Variants in CELF2 observed in about 807,000 individuals in gnomAD.
CELF2 encodes CUG triplet repeat RNA-binding protein 2.
Under a neutral mutation model 62.6 loss-of-function variants are expected in CELF2, and 8 were observed. The ratio of observed to expected loss-of-function variants is 0.13; its 90% CI spans 0.07 to 0.23. The LOEUF is 0.23. CELF2 is among the 10% of genes least tolerant of loss of function. The pLI, the probability that CELF2 is intolerant of heterozygous loss-of-function variation, is 1.00. For synonymous variants in CELF2, 258 were observed against 250.0 expected (o/e 1.03, Z -0.30); for missense variants, 333 against 671.0 (o/e 0.50, Z 5.56).
At chr10:10,985,487 C>A (rs2052640261) in intron 2 of CELF2, among the ~76,000 whole-genome samples, 1 of 152,134 alleles carries the variant, frequency 6.6e-6, no homozygotes, top group Non-Finnish European at 1.5e-5. Context: ...GTAAGACACC[C>A]AACACAGACT....
chr10:11,017,505 G>A (rs551447304), upstream of CELF2, among the ~76,000 whole-genome samples: 2 of 152,268 alleles, frequency 1.3e-5, no homozygotes, highest in African/African-American at 4.8e-5. This position sits in a 1 kb window ranked among gnomAD's most constrained non-coding sequence, Gnocchi z 5.5. Context: ...GTTCCTGCCC[G>A]GGCAAGCACA....
chr10:11,231,403 G>A (rs913137972), intron 3 of CELF2, among the ~76,000 whole-genome samples: 7 of 152,198 alleles, frequency 4.6e-5, no homozygotes, highest in Non-Finnish European at 8.8e-5. Context: ...GAAACAAAGT[G>A]ATTAGAAGAT....
chr10:11,148,270 C>T (rs1385635881), intron 1 of CELF2, among the ~76,000 whole-genome samples: 1 of 152,238 alleles, frequency 6.6e-6, no homozygotes, highest in African/African-American at 2.4e-5. Context: ...ACAGTGAGAA[C>T]CCTAAGCTGT....
chr10:10,915,409 T>C (rs1172564108), intron 1 of CELF2, among the ~76,000 whole-genome samples: 1 of 152,100 alleles, frequency 6.6e-6, no homozygotes, highest in Non-Finnish European at 1.5e-5. Context: ...AGTAGCCTTT[T>C]TTGTGGTTGT....
chr10:10,636,640 A>G, the CELF2 span, among the ~76,000 whole-genome samples: 1 of 152,208 alleles, frequency 6.6e-6, no homozygotes, highest in Non-Finnish European at 1.5e-5. Flanking sequence ...GACTAGCAAG[A>G]ATCCCTCCCA....
rs1449799628 is a variant in CELF2 at position 11,005,967 on chromosome 10, T to G, written c.53+527T>G. Among the ~76,000 whole-genome samples, 1 of 152,206 alleles carries G rather than the reference T, an allele frequency of 6.6e-6. No homozygotes were observed. The highest frequency in any genetic ancestry group is 1.5e-5 in the Non-Finnish European group (1 of 68,034). On this transcript the variant is annotated intron_variant, in intron 1 of 12. Transcript: ENST00000416382. This position sits in a 1 kb window ranked among gnomAD's most constrained non-coding sequence, Gnocchi z 4.3. ...CAAAATGTGTACCCGTTTGGAGACC[T>G]CTTTCATGCATGGCGTCCTGGGTCC...
chr10:10,575,213 T>C, the CELF2 span, among the ~76,000 whole-genome samples: 1 of 152,114 alleles, frequency 6.6e-6, no homozygotes, highest in Non-Finnish European at 1.5e-5. Flanking sequence ...AACCAAAACG[T>C]GAATGAAAGA....
At position 11,314,165 on chromosome 10, in the gene CELF2, G is replaced by T; in HGVS notation, c.1003G>T (p.Ala335Ser). The T allele has an allele frequency of 6.2e-7, 1 of 1,613,770 alleles. No individual in the cohort carries two copies. The highest frequency in any genetic ancestry group is 8.5e-7 in the Non-Finnish European group (1 of 1,179,814). The change falls in exon 10 of 13, where the codon GCT (alanine) becomes TCT (serine). Residue 335 changes from alanine to serine, a missense_variant. Around this residue, in one of 3 missense-constraint regions of CELF2, gnomAD observed 253 missense variants for 503.0 expected, o/e 0.50. Coordinates refer to ENST00000633077, the MANE Select transcript of CELF2 (RefSeq NM_001326342.2). This position sits in a 1 kb window ranked among gnomAD's most constrained non-coding sequence, Gnocchi z 5.3. ...PVAASTPNST[A>S]GAAMNSLTSL... ...GGCTGCTTCAACCCCCAACTCCACT[G>T]CTGGTGCAGCCATGAACTCCTTGAC...
At chr10:10,971,885 C>T (rs1773723191) in intron 2 of CELF2, among the ~76,000 whole-genome samples, 1 of 152,196 alleles carries the variant, frequency 6.6e-6, no homozygotes, top group South Asian at 2.1e-4. Context: ...CCATGCCTGA[C>T]CCATGCATGC....
At chr10:10,503,641 T>C in the CELF2 span, among the ~76,000 whole-genome samples, 10 of 152,048 alleles carry the variant, frequency 6.6e-5, no homozygotes, top group African/African-American at 1.9e-4. Context: ...TAGTATATCA[T>C]TGGAACATAC....
the CELF2 span, among the ~76,000 whole-genome samples, chr10:10,522,526 C>T: frequency 2.0e-5 from 3 of 152,188 alleles, no homozygotes; most frequent in African/African-American, 7.2e-5. Context: ...AAGTCAAGAG[C>T]ACATTCCTGG....
chr10:11,326,708 C>T (rs944197012), intron 12 of CELF2, among the ~76,000 whole-genome samples: 1 of 152,154 alleles, frequency 6.6e-6, no homozygotes, highest in Non-Finnish European at 1.5e-5. Flanking sequence ...ACCCTATTGG[C>T]CCCCAAAGCA....
At chr10:10,798,834 T>C in intron 1 of CELF2, 1 of 398,848 alleles carries the variant, frequency 2.5e-6, no homozygotes, top group South Asian at 1.3e-4. Flanking sequence ...CTGCTTTGCT[T>C]TCTCTTGCAT....
chr10:10,586,526 G>T, the CELF2 span, among the ~76,000 whole-genome samples: 1 of 152,144 alleles, frequency 6.6e-6, no homozygotes, highest in Non-Finnish European at 1.5e-5. Context: ...ATGAAAAAGT[G>T]TGTCATTTTC....
At chr10:11,020,388 T>G (rs1356789138) in intron 1 of CELF2, among the ~76,000 whole-genome samples, 1 of 152,222 alleles carries the variant, frequency 6.6e-6, no homozygotes, top group Non-Finnish European at 1.5e-5. Context: ...ATATCGTTCA[T>G]AATTAACTCA....
chr10:11,124,445 A>G (rs1054965156), intron 1 of CELF2, among the ~76,000 whole-genome samples: 5 of 152,230 alleles, frequency 3.3e-5, no homozygotes, highest in Admixed American at 2.6e-4. Flanking sequence ...AGGTTGCTCC[A>G]TTGAAAATAA....
At chr10:11,154,890 A>C (rs560116575) in intron 1 of CELF2, among the ~76,000 whole-genome samples, 1 of 152,334 alleles carries the variant, frequency 6.6e-6, no homozygotes, top group South Asian at 2.1e-4. Context: ...AAAAACAATC[A>C]CAGGTAGGGA....
chr10:10,726,027 T>C, the CELF2 span, among the ~76,000 whole-genome samples: 2 of 152,174 alleles, frequency 1.3e-5, no homozygotes, highest in African/African-American at 2.4e-5. Context: ...TTTTCCTTTT[T>C]TAAAACAATC....
the CELF2 span, among the ~76,000 whole-genome samples, chr10:10,721,536 A>G: frequency 1.3e-5 from 2 of 152,228 alleles, no homozygotes; most frequent in East Asian, 3.8e-4. Flanking sequence ...CTCCTCATCA[A>G]CACCTTAGCC....
Sources: gnomAD v4.1 joint callset for allele counts (sites outside exome capture counted in the v4.1 genomes callset) on GRCh38, gnomAD v4.1.1 for gene constraint, gnomAD v4.1.1 regional missense constraint, Gnocchi (gnomAD v3.1) non-coding constraint, MANE v1.5 for transcripts, NCBI Gene and HGNC (gene_info 2026-07-23, HGNC 2026-07-21) for gene names.